Variants in STK3 observed in about 807,000 individuals in gnomAD.
STK3 encodes serine/threonine kinase 3.
A neutral mutation model predicts 58.0 loss-of-function variants in STK3; 41 were observed. The ratio of observed to expected loss-of-function variants is 0.71; its 90% CI spans 0.55 to 0.92. STK3 has a LOEUF of 0.92. STK3 is among the 40% of genes least tolerant of loss of function. The probability of loss-of-function intolerance (pLI) is 0.00; values close to 1 mark genes in which losing one functional copy is unlikely to be tolerated. For missense variants in STK3, 479 were observed against 602.7 expected, an observed-to-expected ratio of 0.79 and a Z score of 2.15; for synonymous variants, 170 against 191.0, an observed-to-expected ratio of 0.89 and a Z score of 0.91.
intron 3 of STK3, among the ~76,000 whole-genome samples, chr8:98,871,907 C>A (rs1288040474): frequency 1.3e-5 from 2 of 152,208 alleles, no homozygotes; most frequent in Non-Finnish European, 2.9e-5. Flanking sequence ...GAGAGGGCAT[C>A]CCTGTCTTGT....
intron 6 of STK3, among the ~76,000 whole-genome samples, chr8:98,613,984 C>G (rs1198946523): frequency 6.6e-6 from 1 of 151,780 alleles, no homozygotes; most frequent in Non-Finnish European, 1.5e-5. Context: ...CATAATTCAC[C>G]AAGAAAATAT....
At chr8:98,818,664 A>T (rs1262256416) in intron 1 of STK3, among the ~76,000 whole-genome samples, 1 of 152,122 alleles carries the variant, frequency 6.6e-6, no homozygotes, top group African/African-American at 2.4e-5. Context: ...CTAATTCAGA[A>T]CTCAAAATAA....
intron 3 of STK3, among the ~76,000 whole-genome samples, chr8:98,419,097 A>T (rs989125352): frequency 2.0e-5 from 3 of 152,182 alleles, no homozygotes; most frequent in Non-Finnish European, 2.9e-5. Context: ...ACGGTGGCTC[A>T]CGCCTGAAAT....
chr8:98,888,976 T>C (rs1054384579), intron 1 of STK3, among the ~76,000 whole-genome samples: 2 of 152,114 alleles, frequency 1.3e-5, no homozygotes, highest in African/African-American at 4.8e-5. Context: ...CTTCTCCTCG[T>C]CCCCACAAAG....
chr8:98,677,579 G>A (rs1823320437), intron 6 of STK3, among the ~76,000 whole-genome samples: 2 of 151,828 alleles, frequency 1.3e-5, no homozygotes, highest in Admixed American at 6.6e-5. Flanking sequence ...AGAAGGAGAC[G>A]GAGATGGAGA....
At chr8:98,903,556 C>CTTCCTCTTCTT (rs200556218) in intron 1 of STK3, among the ~76,000 whole-genome samples, 5 of 50,518 alleles carry the variant, frequency 9.9e-5, no homozygotes, top group Admixed American at 2.6e-4. Flanking sequence ...TCTTCTTCTT[C>CTTCCTCTTCTT]CTTTTTTTTT....
At chr8:98,742,266 G>A (rs1829284297) in intron 4 of STK3, among the ~76,000 whole-genome samples, 2 of 151,564 alleles carry the variant, frequency 1.3e-5, no homozygotes, top group South Asian at 4.2e-4. Context: ...AAGCCGGGCA[G>A]AAACACAACC....
At chr8:98,540,589 G>A (rs942531011) in intron 9 of STK3, among the ~76,000 whole-genome samples, 4 of 152,170 alleles carry the variant, frequency 2.6e-5, no homozygotes, top group African/African-American at 9.7e-5. Flanking sequence ...AGCCAGGGCT[G>A]GAGGCCGAGG....
chr8:98,355,335 T>C, the STK3 span, among the ~76,000 whole-genome samples: 5 of 152,252 alleles, frequency 3.3e-5, no homozygotes, highest in Non-Finnish European at 7.3e-5. Flanking sequence ...TGTACAACTT[T>C]CTTTGCATGT....
intron 10 of STK3, among the ~76,000 whole-genome samples, chr8:98,523,416 C>T (rs866384140): frequency 1.3e-5 from 2 of 150,174 alleles, no homozygotes; most frequent in African/African-American, 4.9e-5. Context: ...GCTCTGTCAC[C>T]CAGGCTGGAG....
At chr8:98,464,540 TAAAAAA>T in intron 10 of STK3, among the ~76,000 whole-genome samples, 4 of 69,228 alleles carry the variant, frequency 5.8e-5, no homozygotes, top group Admixed American at 4.4e-4. Flanking sequence ...TACTTAAAGT[TAAAAAA>T]AAAAAAAAAA....
chr8:98,754,378 C>G (rs546739483), intron 3 of STK3, among the ~76,000 whole-genome samples: 1 of 152,220 alleles, frequency 6.6e-6, no homozygotes, highest in South Asian at 2.1e-4. Flanking sequence ...CAAGCCCACA[C>G]TCCTTTGAGG....
At chr8:98,778,966 C>T (rs1392936946) in intron 1 of STK3, 1 of 151,882 alleles carries the variant, frequency 6.6e-6, no homozygotes, top group Non-Finnish European at 1.5e-5. Flanking sequence ...ACCAACATGG[C>T]ACATGTATAC....
In STK3 at chr8:98,740,301, C is replaced by T. The variant is rs1829079721; in HGVS notation, c.351+8975G>A. On this transcript the variant is annotated intron_variant, in intron 4 of 10. Transcript: ENST00000419617. ...CCAAGACACATAATTGTCAGATTCA[C>T]CAAAGTTAAAATGAAGGAAAAAATG... Among the ~76,000 whole-genome samples the T allele has an allele frequency of 3.9e-5, 6 of 152,126 alleles. No homozygotes were observed. The South Asian group carries it at 1.2e-3, about 32-fold the overall frequency.
chr8:98,938,231 G>C (rs982772136), intron 1 of STK3, among the ~76,000 whole-genome samples: 1 of 152,138 alleles, frequency 6.6e-6, no homozygotes, highest in African/African-American at 2.4e-5. Flanking sequence ...GGGAGGCAAA[G>C]TGCCTTCTAT....
chr8:98,638,434 G>A (rs1819777219), intron 6 of STK3: 1 of 152,156 alleles, frequency 6.6e-6, no homozygotes, highest in African/African-American at 2.4e-5. Context: ...TAACAATTCT[G>A]ACTGCATGAC....
At chr8:98,794,533 C>T (rs1239861075) in intron 1 of STK3, among the ~76,000 whole-genome samples, 1 of 152,080 alleles carries the variant, frequency 6.6e-6, no homozygotes, top group African/African-American at 2.4e-5. Context: ...TAATTAAAAA[C>T]TTATCAACCA....
At position 98,825,677 on chromosome 8, in the gene STK3, C is replaced by T. The variant is rs1292486790; in HGVS notation, c.-137G>A. 8.9e-6 allele frequency: 10 copies of T among 1,121,392 alleles called. No individual in the cohort carries two copies. Among genetic ancestry groups the T allele is most frequent in the Non-Finnish European group, 9.9e-6 (9 of 907,528 alleles). The allele number at this position is 1,121,392 out of a possible 1,614,324, so 69.5% of individuals were successfully genotyped here. A position where few individuals can be genotyped will look rare whatever the true frequency, so the allele number is the denominator to read the frequency against. ...ACTCGGACCAACTTTCCCGTAACTC[C>T]GCGGCGGATCTCCCTCCCGCTTAGG... On this transcript the variant is annotated 5_prime_UTR_variant, in exon 1 of 11. Transcript: ENST00000419617.
At chr8:98,605,950 G>A (rs907846892) in intron 6 of STK3, among the ~76,000 whole-genome samples, 10 of 152,140 alleles carry the variant, frequency 6.6e-5, no homozygotes, top group Non-Finnish European at 1.3e-4. Context: ...GTTTGTGGCC[G>A]GGTGCGGTAG....
Sources: gnomAD v4.1 joint callset for allele counts (sites outside exome capture counted in the v4.1 genomes callset) on GRCh38, gnomAD v4.1.1 for gene constraint, MANE v1.5 for transcripts, NCBI Gene and HGNC (gene_info 2026-07-23, HGNC 2026-07-21) for gene names.